Variants in TJP2 observed in about 807,000 individuals in gnomAD.
TJP2 encodes the protein tight junction protein 2, also known as Friedreich ataxia region gene X104 (tight junction protein ZO-2).
A neutral mutation model predicts 133.1 loss-of-function variants in TJP2; 91 were observed. The observed-to-expected ratio is 0.68, with a 90% CI of 0.58 to 0.81. The LOEUF (loss-of-function observed/expected upper bound fraction) is 0.81, where lower values mean the gene tolerates loss of function less well. Among genes scored for constraint, TJP2 ranks in the 40% least tolerant of loss-of-function variants. TJP2 has a pLI of 0.00. For missense variants in TJP2, 1,541 were observed against 1,565.6 expected (o/e 0.98, Z 0.26); for synonymous variants, 592 against 583.4 (o/e 1.01, Z -0.21).
intron 1 of TJP2, among the ~76,000 whole-genome samples, chr9:69,202,977 A>G (rs927077522): frequency 3.3e-5 from 5 of 152,234 alleles, no homozygotes; most frequent in African/African-American, 1.2e-4. Context: ...ACCTCTGGAA[A>G]TCACTGTAGA....
At position 69,218,275 on chromosome 9, in the gene TJP2, C is replaced by A; in HGVS notation, c.258C>A (p.Val86=). 1 of 1,613,990 alleles carries A rather than the reference C, an allele frequency of 6.2e-7. No individual in the cohort carries two copies. The highest frequency in any genetic ancestry group is 1.1e-5 in the South Asian group (1 of 91,054). The change falls in exon 4 of 23, where the codon GTC becomes GTA. Residue 86 remains valine (V), a synonymous_variant. Transcript: ENST00000377245. The stretch of plus-strand genomic sequence containing the variant: ...TTTACAGAGAAAATGACAGAGTGGT[C>A]ATGGTCAATGGCACCCCCATGGAGG... The part of the protein sequence containing the change: ...DGLLQENDRV[V]MVNGTPMEDV...
intron 2 of TJP2, among the ~76,000 whole-genome samples, chr9:69,161,904 C>T (rs999420852): frequency 6.7e-6 from 1 of 149,588 alleles, no homozygotes; most frequent in Non-Finnish European, 1.5e-5. Flanking sequence ...CAAAATTAGC[C>T]GGCGTGGTGG....
rs186059046 is a variant in TJP2, at chr9:69,246,515, G to T, written c.2567-175G>T. 3.2e-5 allele frequency: 21 copies of T among 653,848 alleles called. No individual in the cohort carries two copies. The South Asian group carries it at 3.4e-4, about 11-fold the overall frequency. 40.5% of individuals were successfully genotyped at this position (653,848 alleles called of 1,614,324 possible). Reference sequence around the variant, plus strand: ...GTGAACTCAAACAGCTACATGATTAGTAGTTTTAATTGCATTCATTAAAAG... The same window carrying T: ...GTGAACTCAAACAGCTACATGATTATTAGTTTTAATTGCATTCATTAAAAG... On this transcript the variant is annotated intron_variant, in intron 17 of 22. Transcript: ENST00000377245.
At chr9:69,177,481 C>G (rs1825179879) in intron 1 of TJP2, among the ~76,000 whole-genome samples, 2 of 151,978 alleles carry the variant, frequency 1.3e-5, no homozygotes, top group Admixed American at 6.6e-5. Context: ...TTGCAATCAG[C>G]CTTTTTAGTA....
At position 69,220,976 on chromosome 9, in the gene TJP2, C is replaced by G. The variant is rs765961360; in HGVS notation, c.432C>G (p.Asp144Glu). 8 of 1,612,734 alleles carry G rather than the reference C, an allele frequency of 5.0e-6. No homozygotes were observed. The highest frequency in any genetic ancestry group is 2.7e-5 in the African/African-American group (2 of 74,920). Residue 144 changes from aspartate (D) to glutamate (E), a missense_variant, in exon 5 of 23, where the codon GAC (aspartate) becomes GAG (glutamate). By Grantham distance (45) the Asp-to-Glu change is conservative (BLOSUM62 2). Transcript: ENST00000377245. ...ATGACCGGGCTTTTGAGGTGATGGA[C>G]GAGTTTGATGGCAGAAGTTTCCGGA... ...DQDDRAFEVM[D>E]EFDGRSFRSG...
At chr9:69,186,766 G>A (rs142743422) in intron 1 of TJP2, among the ~76,000 whole-genome samples, 5 of 152,314 alleles carry the variant, frequency 3.3e-5, no homozygotes, top group Admixed American at 1.3e-4. Context: ...GAAGGGACCC[G>A]TGGTGTTGCT....
At chr9:69,195,980 A>G (rs1199939502) in intron 1 of TJP2, among the ~76,000 whole-genome samples, 1 of 152,188 alleles carries the variant, frequency 6.6e-6, no homozygotes, top group Non-Finnish European at 1.5e-5. Flanking sequence ...TTGTTTTTTA[A>G]GAGACAGGGC....
chr9:69,176,511 G>A (rs1005670661), intron 1 of TJP2, among the ~76,000 whole-genome samples: 7 of 152,080 alleles, frequency 4.6e-5, no homozygotes, highest in Non-Finnish European at 8.8e-5. Flanking sequence ...TGGGTGGGGG[G>A]AAGTCAGAAA....
At chr9:69,169,411 T>C (rs979213278), upstream of TJP2, among the ~76,000 whole-genome samples, 11 of 146,486 alleles carry the variant, frequency 7.5e-5, no homozygotes, top group Admixed American at 2.9e-4. Context: ...CAGGCTGGAG[T>C]GCAGTGGCGT....
chr9:69,239,549 G>T lies in TJP2; in HGVS notation c.2356-388G>T, dbSNP rs544257591. Among the ~76,000 whole-genome samples, 32 of 152,284 alleles carry T rather than the reference G, an allele frequency of 2.1e-4. No individual in the cohort carries two copies. The South Asian group carries it at 6.2e-3, about 30-fold the overall frequency. ...TAAATTTACAAGATAGGTGGCTCAT[G>T]CCTGTAATCCCAGCACTTTGGGAGG... On this transcript the variant is annotated intron_variant, in intron 16 of 22. Coordinates refer to ENST00000377245, the MANE Select transcript of TJP2 (RefSeq NM_004817.4).
intron 2 of TJP2, among the ~76,000 whole-genome samples, chr9:69,166,514 A>G (rs754270240): frequency 1.3e-4 from 20 of 151,526 alleles, no homozygotes; most frequent in Admixed American, 1.1e-3. Flanking sequence ...AGACCAAGGT[A>G]GGAGGATAGC....
intron 2 of TJP2, among the ~76,000 whole-genome samples, chr9:69,155,227 CAA>C (rs58935075): frequency 0.43 from 43,012 of 99,092 alleles, 7,412 homozygotes; most frequent in East Asian, 0.66. Flanking sequence ...ACTCCATTTC[CAA>C]AAAAAAAAAA....
chr9:69,234,390 CTTTCTTTCTT>C (rs1588126716), intron 11 of TJP2, 39 bp from the exon 12 acceptor site: 13 of 1,328,794 alleles, frequency 9.8e-6, no homozygotes, highest in South Asian at 2.6e-5. Context: ...TTCTTTCTTT[CTTTCTTTCTT>C]TTTTTTTTTT....
intron 1 of TJP2, among the ~76,000 whole-genome samples, chr9:69,190,666 A>ATG (rs958725470): frequency 1.4e-4 from 21 of 152,166 alleles, no homozygotes; most frequent in African/African-American, 4.8e-4. Context: ...AGGAATTGAG[A>ATG]TGTGTGTGTG....
chr9:69,181,280 G>A (rs1389265904), intron 1 of TJP2, among the ~76,000 whole-genome samples: 1 of 109,730 alleles, frequency 9.1e-6, no homozygotes, highest in Non-Finnish European at 1.7e-5. Context: ...GTGGAGTCTA[G>A]CCCTATCGCT....
rs749307489 is a variant in TJP2 at position 69,236,169 on chromosome 9, A to G, written c.1922A>G (p.Lys641Arg). The G allele has an allele frequency of 5.0e-6, 8 of 1,614,196 alleles. No homozygotes were observed. The South Asian group carries it at 5.5e-5, about 11-fold the overall frequency. ...GTGGTAGACACACTGTATGACGGCA[A>G]GCTGGGCAACTGGCTGGCTGTGAGG... ...FRVVDTLYDG[K>R]LGNWLAVRIG... The change falls in exon 13 of 23, where the codon AAG becomes AGG. Residue 641 changes from lysine (K) to arginine (R), a missense_variant. Physicochemically the swap from Lys to Arg is conservative, Grantham distance 26. Coordinates refer to ENST00000377245, the MANE Select transcript of TJP2 (RefSeq NM_004817.4).
rs768826713 is a variant in TJP2 at position 69,221,530 on chromosome 9, T to C, written c.952+34T>C. On this transcript the variant is annotated intron_variant, in intron 5 of 22. Transcript: ENST00000377245. ...GCTTGATGTGGGAAGAAAAGCACTG[T>C]TGTGATATGAATAACCTTTGTTTTC... 4.4e-6 allele frequency: 7 copies of C among 1,588,620 alleles called. No individual in the cohort carries two copies. In the South Asian group the frequency reaches 8.0e-5, roughly 18 times the overall value.
At chr9:69,140,252 C>T (rs1822962361) in intron 1 of TJP2, among the ~76,000 whole-genome samples, 1 of 152,170 alleles carries the variant, frequency 6.6e-6, no homozygotes, top group African/African-American at 2.4e-5. Flanking sequence ...ATATTATGTG[C>T]TGGATGTTAC....
At chr9:69,253,227 C>G in intron 22 of TJP2, 2 of 355,770 alleles carry the variant, frequency 5.6e-6, no homozygotes, top group Non-Finnish European at 5.2e-6. Flanking sequence ...CCTGTTTTGT[C>G]TTGTTTGCTG....
Sources: gnomAD v4.1 joint callset for allele counts (sites outside exome capture counted in the v4.1 genomes callset) on GRCh38, gnomAD v4.1.1 for gene constraint, MANE v1.5 for transcripts, NCBI Gene and HGNC (gene_info 2026-07-23, HGNC 2026-07-21) for gene names.